MAN2B2: variants seen among roughly 807,000 people sequenced by gnomAD.
MAN2B2 encodes the protein mannosidase alpha class 2B member 2.
A neutral mutation model predicts 117.1 loss-of-function variants in MAN2B2; 106 were observed. That is an observed-to-expected ratio of 0.90 (90% CI 0.77 to 1.06). MAN2B2 has a LOEUF of 1.06. Among genes scored for constraint, MAN2B2 ranks in the 50% least tolerant of loss-of-function variants. The pLI is 0.00. For synonymous variants in MAN2B2, 544 were observed against 595.1 expected (o/e 0.91, Z 1.25); for missense variants, 1,326 against 1,381.4 (o/e 0.96, Z 0.64).
chr4:6,618,626 G>A (rs1712010203), intron 17 of MAN2B2: 1 of 152,396 alleles, frequency 6.6e-6, no homozygotes, highest in African/African-American at 2.4e-5. Context: ...ACTATCAGGC[G>A]AGGCTTCCGC....
chr4:6,593,129 C>T, intron 5 of MAN2B2, 44 bp from the exon 6 acceptor site: 1 of 1,594,672 alleles, frequency 6.3e-7, no homozygotes, highest in Non-Finnish European at 8.6e-7. Flanking sequence ...CCTGGCTGTC[C>T]ACAGAGTTCG....
At chr4:6,591,619 G>A (rs1726862270) in intron 5 of MAN2B2, among the ~76,000 whole-genome samples, 1 of 152,190 alleles carries the variant, frequency 6.6e-6, no homozygotes, top group Non-Finnish European at 1.5e-5. Context: ...CTTTTCTGCT[G>A]GTGGGGGCTA....
chr4:6,622,400 T>C lies in MAN2B2; in HGVS notation c.*1115T>C, dbSNP rs754992071. ...CCAATGAATTAAAAACTTTGGAAGATGAATTTTATGGTCTGTGAATTATAT... is the reference window on the plus strand; with the variant it reads ...CCAATGAATTAAAAACTTTGGAAGACGAATTTTATGGTCTGTGAATTATAT... On this transcript the variant is annotated 3_prime_UTR_variant, in exon 19 of 19. Transcript: ENST00000285599. The C allele has an allele frequency of 2.2e-4, 34 of 152,078 alleles. No individual in the cohort carries two copies. Among genetic ancestry groups the C allele is most frequent in the Admixed American group, 5.2e-4 (8 of 15,256 alleles). The allele number at this position is 152,078 out of a possible 1,614,324, so 9.4% of individuals were successfully genotyped here. A position where few individuals can be genotyped will look rare whatever the true frequency, so the allele number is the denominator to read the frequency against.
rs1183338899 is a variant in MAN2B2 at position 6,609,216 on chromosome 4, G to T, written c.1924G>T (p.Ala642Ser). The T allele has an allele frequency of 6.2e-7, 1 of 1,614,216 alleles. No individual in the cohort carries two copies. Among genetic ancestry groups the T allele is most frequent in the Non-Finnish European group, 8.5e-7 (1 of 1,180,038 alleles). Residue 642 changes from alanine to serine, a missense_variant, in exon 12 of 19, where the codon GCC becomes TCC. Ala to Ser is a moderately conservative substitution (Grantham distance 99, BLOSUM62 1). Transcript: ENST00000285599. The stretch of plus-strand genomic sequence containing the variant: ...TAACTACCTGTTCACACCGGGCAAG[G>T]CCGCGGTGCCTGCGTGGGAAGCTGT... ...SDNYLFTPGK[A>S]AVPAWEAVEM...
intron 17 of MAN2B2, chr4:6,619,132 A>C (rs932699348): frequency 1.7e-4 from 26 of 152,256 alleles, no homozygotes; most frequent in African/African-American, 4.1e-4. Context: ...TTGAGTTAGG[A>C]ACGCAGTGAG....
chr4:6,575,293 G>C lies in MAN2B2; in HGVS notation c.83G>C (p.Arg28Pro), dbSNP rs762352744. Residue 28 changes from arginine to proline, a missense_variant, in exon 1 of 19, where the codon CGG (arginine) becomes CCG (proline). Physicochemically the swap from Arg to Pro is moderately radical, Grantham distance 103. Transcript: ENST00000285599. Reference sequence around the variant, plus strand: ...GGGGTCCAGTCCGCCGGCCCCATCCGGGCCTTCGTGGTGCCCCACAGCCAC... The same window carrying C: ...GGGGTCCAGTCCGCCGGCCCCATCCCGGCCTTCGTGGTGCCCCACAGCCAC... Reference protein sequence around the residue: ...PPGVQSAGPIRAFVVPHSHMD... With the variant: ...PPGVQSAGPIPAFVVPHSHMD... 1.9e-6 allele frequency: 3 copies of C among 1,570,772 alleles called. No homozygotes were observed. The highest frequency in any genetic ancestry group is 2.6e-6 in the Non-Finnish European group (3 of 1,164,146).
At chr4:6,580,045 C>T (rs914755383) in intron 3 of MAN2B2, among the ~76,000 whole-genome samples, 2 of 152,234 alleles carry the variant, frequency 1.3e-5, no homozygotes, top group Non-Finnish European at 2.9e-5. Context: ...CCCTGATTTC[C>T]CCATTTGTAA....
At chr4:6,593,716 G>C (rs905851878) in intron 6 of MAN2B2, among the ~76,000 whole-genome samples, 6 of 152,232 alleles carry the variant, frequency 3.9e-5, no homozygotes, top group African/African-American at 1.4e-4. Context: ...GAGGTGAAGC[G>C]TTCCCGGGAA....
chr4:6,611,394 C>A lies in MAN2B2; in HGVS notation c.2563+116C>A, dbSNP rs939749512. ...CTCTGGGCAGCTTTTGGGCAGGAAG[C>A]GACCTCAGGGACCTCTAGCCCAAGC... is the stretch of plus-strand genomic sequence containing the variant. On this transcript the variant is annotated intron_variant, in intron 15 of 18. Coordinates refer to ENST00000285599, the MANE Select transcript of MAN2B2 (RefSeq NM_015274.3). 6 of 1,075,672 alleles carry A rather than the reference C, an allele frequency of 5.6e-6. No individual in the cohort carries two copies. The East Asian group carries it at 7.8e-5, about 14-fold the overall frequency. 66.6% of individuals were successfully genotyped at this position (1,075,672 alleles called of 1,614,324 possible).
Position 6,619,924 on chromosome 4 carries a change from C to T in MAN2B2, c.2815-3C>T, listed in dbSNP as rs762648663. The T allele has an allele frequency of 7.4e-6, 12 of 1,612,900 alleles. No individual in the cohort carries two copies. In the East Asian group the frequency reaches 2.5e-4, roughly 33 times the overall value. On this transcript the variant is annotated splice_region_variant and splice_polypyrimidine_tract_variant and intron_variant, in intron 17 of 18. Coordinates refer to ENST00000285599, the MANE Select transcript of MAN2B2 (RefSeq NM_015274.3). ...CACTCTCCCTCTGCTCCTCTCCCTG[C>T]AGGCTGTGCTGCAGGCGCTGGGGTC...
chr4:6,583,439 A>G (rs1036695962), intron 3 of MAN2B2, among the ~76,000 whole-genome samples: 143 of 152,336 alleles, frequency 9.4e-4, no homozygotes, highest in Non-Finnish European at 1.5e-3. Context: ...ACTAAAAGGA[A>G]GAAGGACAGA....
Position 6,609,239 on chromosome 4 carries a change from T to C in MAN2B2, c.1947T>C (p.Ala649=). The C allele has an allele frequency of 6.2e-7, 1 of 1,614,148 alleles. No homozygotes were observed. The highest frequency in any genetic ancestry group is 8.5e-7 in the Non-Finnish European group (1 of 1,180,006). ...PGKAAVPAWE[A]VEMEIVAGQL... ...AGGCCGCGGTGCCTGCGTGGGAAGCTGTGGAAATGGAGATTGTGGCGGGAC... is the reference window on the plus strand; with the variant it reads ...AGGCCGCGGTGCCTGCGTGGGAAGCCGTGGAAATGGAGATTGTGGCGGGAC... Residue 649 remains alanine, a synonymous_variant, in exon 12 of 19, where the codon GCT becomes GCC. Coordinates refer to ENST00000285599, the MANE Select transcript of MAN2B2 (RefSeq NM_015274.3).
At chr4:6,620,951 G>A (rs1712141795) in intron 18 of MAN2B2, 1 of 510,718 alleles carries the variant, frequency 2.0e-6, no homozygotes, top group Non-Finnish European at 3.5e-6. Context: ...AGGCCCACAG[G>A]AGTCCTGGCA....
rs748202301 is a variant in MAN2B2, at chr4:6,600,620, C to T, written c.1406-3C>T. The T allele has an allele frequency of 1.9e-6, 3 of 1,613,670 alleles. No homozygotes were observed. Among genetic ancestry groups the T allele is most frequent in the Non-Finnish European group, 2.5e-6 (3 of 1,179,914 alleles). On this transcript the variant is annotated splice_polypyrimidine_tract_variant and splice_region_variant and intron_variant, in intron 9 of 18. Transcript: ENST00000285599. Reference sequence around the variant, plus strand: ...ACAAGCAAAGCCTCTTCTCTGTGTGCAGATGCAGGACCTGCAGGACATTTT... The same window carrying T: ...ACAAGCAAAGCCTCTTCTCTGTGTGTAGATGCAGGACCTGCAGGACATTTT...
intron 3 of MAN2B2, among the ~76,000 whole-genome samples, chr4:6,579,349 TCAC>T (rs1577270335): frequency 6.7e-4 from 24 of 35,880 alleles, no homozygotes; most frequent in East Asian, 4.2e-3. Flanking sequence ...ACCATCACCA[TCAC>T]CACCACCATC....
intron 3 of MAN2B2, 96 bp downstream of exon 3, chr4:6,578,594 C>G: frequency 3.9e-6 from 4 of 1,012,706 alleles, no homozygotes; most frequent in Admixed American, 2.1e-5. Context: ...TCTGTCTGCC[C>G]CTCTTAGTGG....
intron 3 of MAN2B2, among the ~76,000 whole-genome samples, chr4:6,580,918 C>T (rs762301033): frequency 4.6e-5 from 7 of 152,208 alleles, no homozygotes; most frequent in Admixed American, 1.3e-4. Context: ...GAAGCTGAGG[C>T]TGTGTCGCTC....
chr4:6,591,925 C>G (rs772699317), intron 5 of MAN2B2, among the ~76,000 whole-genome samples: 4 of 152,196 alleles, frequency 2.6e-5, no homozygotes, highest in Non-Finnish European at 5.9e-5. Context: ...AGCCCACTGA[C>G]GGAGATGCTG....
chr4:6,614,136 C>T lies in MAN2B2; in HGVS notation c.2564-82C>T, dbSNP rs1711733469. On this transcript the variant is annotated intron_variant, in intron 15 of 18. Transcript: ENST00000285599. ...GGGAAGTGGCTGGCAGGGGCAGGGG[C>T]ATGTAATGTGCAGAGCTCTGAGTGC... 1.8e-5 allele frequency: 27 copies of T among 1,525,514 alleles called. No individual in the cohort carries two copies. In the South Asian group the frequency reaches 2.8e-4, roughly 16 times the overall value. 94.5% of individuals were successfully genotyped at this position (1,525,514 alleles called of 1,614,324 possible). A position where few individuals can be genotyped will look rare whatever the true frequency, so the allele number is the denominator to read the frequency against.
Sources: gnomAD v4.1 joint callset for allele counts (sites outside exome capture counted in the v4.1 genomes callset) on GRCh38, gnomAD v4.1.1 for gene constraint, MANE v1.5 for transcripts, NCBI Gene and HGNC (gene_info 2026-07-23, HGNC 2026-07-21) for gene names.